The following LRBA variants were observed in gnomAD, a reference collection of about 807,000 sequenced individuals.
LRBA encodes the protein LPS responsive beige-like anchor protein.
LRBA carries 176 observed loss-of-function variants against 330.0 expected under a neutral mutation model. That is an observed-to-expected ratio of 0.53 (90% CI 0.47 to 0.60). The LOEUF is 0.60. Ranked by LOEUF, LRBA falls within the 20% of genes least tolerant of loss-of-function variation. The probability of loss-of-function intolerance (pLI) is 0.00; values close to 1 mark genes in which losing one functional copy is unlikely to be tolerated. For synonymous variants in LRBA, 1,230 were observed against 1,193.0 expected (o/e 1.03, Z -0.64); for missense variants, 3,259 against 3,444.8 (o/e 0.95, Z 1.35).
At chr4:150,916,290 TA>T in intron 7 of LRBA, 110 bp downstream of exon 7, 1 of 1,091,818 alleles carries the variant, frequency 9.2e-7, no homozygotes, top group Non-Finnish European at 1.3e-6. Context: ...TTTTAAACAG[TA>T]AAAACGAAGT....
chr4:150,730,475 G>T (rs1021955761), intron 36 of LRBA, among the ~76,000 whole-genome samples: 2 of 152,090 alleles, frequency 1.3e-5, no homozygotes, highest in Non-Finnish European at 2.9e-5. Flanking sequence ...TTGAGGCCAG[G>T]AGTTTGGGAC....
At chr4:150,390,036 G>C (rs752706997) in intron 47 of LRBA, among the ~76,000 whole-genome samples, 11 of 149,484 alleles carry the variant, frequency 7.4e-5, no homozygotes, top group Non-Finnish European at 1.6e-4. Flanking sequence ...ACCAAGTTCT[G>C]TTCCATTACA....
intron 40 of LRBA, among the ~76,000 whole-genome samples, chr4:150,567,458 A>G (rs933762295): frequency 1.3e-5 from 2 of 152,200 alleles, no homozygotes; most frequent in Non-Finnish European, 2.9e-5. Flanking sequence ...AGGGCATTAA[A>G]AAAAGGACAA....
intron 17 of LRBA, among the ~76,000 whole-genome samples, chr4:150,877,229 G>A (rs1030587916): frequency 6.8e-6 from 1 of 147,150 alleles, no homozygotes; most frequent in Non-Finnish European, 1.5e-5. Context: ...CTGCACTCCA[G>A]CCTGAATGAC....
intron 47 of LRBA, among the ~76,000 whole-genome samples, chr4:150,364,198 G>T (rs994000483): frequency 3.3e-5 from 5 of 152,160 alleles, no homozygotes; most frequent in African/African-American, 1.2e-4. Flanking sequence ...GCATCTAGAG[G>T]TCAACTTGGG....
chr4:150,444,425 G>C (rs934996437), intron 44 of LRBA, among the ~76,000 whole-genome samples: 1 of 152,012 alleles, frequency 6.6e-6, no homozygotes, highest in Non-Finnish European at 1.5e-5. Context: ...CCACTGTTAG[G>C]GGGTGCAGCA....
chr4:150,895,144 A>C (rs1270629035), intron 16 of LRBA, among the ~76,000 whole-genome samples: 1 of 152,176 alleles, frequency 6.6e-6, no homozygotes, highest in Non-Finnish European at 1.5e-5. Context: ...ATTATATTCC[A>C]TCAATTCCTA....
At position 150,828,331 on chromosome 4, in the gene LRBA, TTGAAAC is replaced by T. The variant is rs768289074; in HGVS notation, c.5014_5019del (p.Val1672_Ser1673del). 5.0e-6 allele frequency: 8 copies of T among 1,614,190 alleles called. No individual in the cohort carries two copies. The East Asian group carries it at 1.8e-4, about 36-fold the overall frequency. On this transcript the variant is annotated inframe_deletion, in exon 30 of 57. Coordinates refer to ENST00000651943, the MANE Select transcript of LRBA (RefSeq NM_001364905.1). ...AGAATGTCTTTCACATTGACGTTTT[TTGAAAC>T]TGAAACTGACGGTGTAGCCTTAGTG...
At chr4:150,474,910 T>C (rs915088382) in intron 42 of LRBA, among the ~76,000 whole-genome samples, 2 of 152,176 alleles carry the variant, frequency 1.3e-5, no homozygotes. Context: ...AAGTATGATG[T>C]ACGTATTGGG....
chr4:150,910,846 T>G (rs549187811), intron 9 of LRBA, among the ~76,000 whole-genome samples: 18 of 152,182 alleles, frequency 1.2e-4, no homozygotes, highest in Non-Finnish European at 2.2e-4. Context: ...ATTTTGTACT[T>G]TTCAATGTAC....
At chr4:150,520,903 C>T (rs565703156) in intron 40 of LRBA, among the ~76,000 whole-genome samples, 1 of 152,122 alleles carries the variant, frequency 6.6e-6, no homozygotes, top group East Asian at 1.9e-4. Context: ...AATATGTACA[C>T]CAACCTATAT....
intron 48 of LRBA, among the ~76,000 whole-genome samples, chr4:150,348,379 A>G (rs1380852487): frequency 6.6e-6 from 1 of 152,222 alleles, no homozygotes; most frequent in African/African-American, 2.4e-5. Flanking sequence ...ACCAAGAGAC[A>G]AGTCTTTTAA....
intron 47 of LRBA, among the ~76,000 whole-genome samples, chr4:150,386,688 T>C (rs1743119135): frequency 6.6e-6 from 1 of 152,178 alleles, no homozygotes; most frequent in African/African-American, 2.4e-5. Flanking sequence ...TTAGGTTGAT[T>C]CCATGCCTTT....
chr4:150,933,934 G>A (rs1428148556), intron 2 of LRBA, among the ~76,000 whole-genome samples: 1 of 151,860 alleles, frequency 6.6e-6, no homozygotes, highest in African/African-American at 2.4e-5. Context: ...TGAGGTGGGA[G>A]AATGGCTTGA....
At chr4:150,875,102 A>G (rs144596400) in intron 17 of LRBA, among the ~76,000 whole-genome samples, 1 of 152,208 alleles carries the variant, frequency 6.6e-6, no homozygotes, top group East Asian at 1.9e-4. Flanking sequence ...CAGACTACTC[A>G]GTCACCTGGA....
At chr4:150,705,548 T>G (rs1785536179) in intron 36 of LRBA, among the ~76,000 whole-genome samples, 1 of 151,964 alleles carries the variant, frequency 6.6e-6, no homozygotes, top group Admixed American at 6.5e-5. Flanking sequence ...CATAGAAAGT[T>G]AAAACAACCA....
intron 40 of LRBA, among the ~76,000 whole-genome samples, chr4:150,534,558 T>C (rs1287994214): frequency 1.3e-5 from 2 of 151,970 alleles, no homozygotes; most frequent in Non-Finnish European, 2.9e-5. Flanking sequence ...CCTTCTTTTC[T>C]GTAAACTGTA....
chr4:150,980,679 G>C (rs189775173), intron 2 of LRBA, among the ~76,000 whole-genome samples: 27 of 152,208 alleles, frequency 1.8e-4, no homozygotes, highest in African/African-American at 6.5e-4. Context: ...ATCCAAATTG[G>C]AAAGGAAGAA....
chr4:150,844,392 T>G (rs1749544720), intron 27 of LRBA, among the ~76,000 whole-genome samples, 185 bp from the exon 28 acceptor site: 1 of 151,884 alleles, frequency 6.6e-6, no homozygotes, highest in African/African-American at 2.4e-5. Flanking sequence ...TGGAGAAAGA[T>G]GGCATGCAGG....
Sources: gnomAD v4.1 joint callset for allele counts (sites outside exome capture counted in the v4.1 genomes callset) on GRCh38, gnomAD v4.1.1 for gene constraint, MANE v1.5 for transcripts, NCBI Gene and HGNC (gene_info 2026-07-23, HGNC 2026-07-21) for gene names.